Variants in CDK5RAP2 observed in about 807,000 individuals in gnomAD.
CDK5RAP2 encodes CDK5 regulatory subunit-associated protein 2.
Under a neutral mutation model 232.9 loss-of-function variants are expected in CDK5RAP2, and 147 were observed. The observed-to-expected ratio is 0.63, with a 90% CI of 0.55 to 0.72. The LOEUF (loss-of-function observed/expected upper bound fraction) is 0.72, where lower values mean the gene tolerates loss of function less well. CDK5RAP2 is among the 30% of genes least tolerant of loss of function. CDK5RAP2 has a pLI of 0.00. For missense variants in CDK5RAP2, 2,195 were observed against 2,231.5 expected (o/e 0.98, Z 0.33); for synonymous variants, 833 against 833.7 (o/e 1.00, Z 0.01).
intron 12 of CDK5RAP2, among the ~76,000 whole-genome samples, chr9:120,493,104 G>A (rs1439462791): frequency 1.3e-5 from 2 of 152,204 alleles, no homozygotes; most frequent in Non-Finnish European, 2.9e-5. Flanking sequence ...CACTGGTTCT[G>A]AGGATGGAAA....
At position 120,572,004 on chromosome 9, in the gene CDK5RAP2, T is replaced by C. The variant is rs757470167; in HGVS notation, c.97A>G (p.Ile33Val). ...TTTCCCAACCCAGCATTGGGGTTGA[T>C]GCCATCCAGGTCATCTGGTACACTG... The part of the protein sequence containing the change: ...VPSVPDDLDG[I>V]NPNAGLGNGL... Residue 33 changes from isoleucine to valine, a missense_variant, in exon 2 of 38, where the codon ATC (isoleucine) becomes GTC (valine). Transcript: ENST00000349780. The C allele has an allele frequency of 1.9e-6, 3 of 1,614,024 alleles. No homozygotes were observed. The highest frequency in any genetic ancestry group is 2.2e-5 in the South Asian group (2 of 91,076).
chr9:120,512,159 G>A (rs774702684), intron 12 of CDK5RAP2, among the ~76,000 whole-genome samples: 4 of 152,162 alleles, frequency 2.6e-5, no homozygotes, highest in Non-Finnish European at 4.4e-5. Flanking sequence ...GACCAGTCTG[G>A]GCAACATAGC....
At chr9:120,559,436 G>A (rs1185154003) in intron 3 of CDK5RAP2, among the ~76,000 whole-genome samples, 11 of 145,830 alleles carry the variant, frequency 7.5e-5, no homozygotes, top group South Asian at 2.2e-4. Flanking sequence ...GCAGTGAGCC[G>A]AGATCAGGCC....
intron 29 of CDK5RAP2, among the ~76,000 whole-genome samples, chr9:120,409,610 G>T (rs2033719087): frequency 6.6e-6 from 1 of 152,370 alleles, no homozygotes; most frequent in East Asian, 1.9e-4. Context: ...AAGTACAGAG[G>T]AAAACACAGG....
intron 31 of CDK5RAP2, 138 bp downstream of exon 31, chr9:120,408,209 A>G: frequency 2.1e-6 from 2 of 953,454 alleles, no homozygotes; most frequent in South Asian, 1.3e-5. Context: ...TCAAAGAGCT[A>G]GCTTCAACAC....
Position 120,453,600 on chromosome 9 carries a change from C to T in CDK5RAP2, c.2649G>A (p.Leu883=). ...CTCTTGTTGCTTCATGCTTGAATCTCAGCAGGTCGCCCTCCGTGGCCACAG... is the reference window on the plus strand; with the variant it reads ...CTCTTGTTGCTTCATGCTTGAATCTTAGCAGGTCGCCCTCCGTGGCCACAG... The part of the protein sequence containing the change: ...VQTVATEGDL[L]RFKHEATREA... The change falls in exon 21 of 38, where the codon CTG becomes CTA. Residue 883 remains leucine, a synonymous_variant. Transcript: ENST00000349780. 3 of 1,614,210 alleles carry T rather than the reference C, an allele frequency of 1.9e-6. No homozygotes were observed. The highest frequency in any genetic ancestry group is 2.5e-6 in the Non-Finnish European group (3 of 1,180,048).
chr9:120,505,675 G>A (rs1484503495), intron 12 of CDK5RAP2, among the ~76,000 whole-genome samples: 2 of 152,196 alleles, frequency 1.3e-5, no homozygotes, highest in African/African-American at 4.8e-5. Context: ...ACACATGAAT[G>A]GTAAGAAAGC....
rs766279275 is a variant in CDK5RAP2 at position 120,491,483 on chromosome 9, A to G, written c.1312-6T>C. 1.6e-5 allele frequency: 26 copies of G among 1,604,186 alleles called. No homozygotes were observed. The highest frequency in any genetic ancestry group is 2.0e-5 in the Non-Finnish European group (24 of 1,174,122). Reference sequence around the variant, plus strand: ...TCAACTTCATTTCTAAGATCCTACCAGAAGAAAATGAAAAAATGGAATTTA... The same window carrying G: ...TCAACTTCATTTCTAAGATCCTACCGGAAGAAAATGAAAAAATGGAATTTA... On this transcript the variant is annotated splice_region_variant and splice_polypyrimidine_tract_variant and intron_variant, in intron 12 of 37. Transcript: ENST00000349780.
At chr9:120,408,556 C>T in intron 30 of CDK5RAP2, 88 bp from the exon 31 acceptor site, 1 of 1,423,468 alleles carries the variant, frequency 7.0e-7, no homozygotes, top group East Asian at 2.3e-5. Context: ...CCAATTCCAC[C>T]CTCAGTCACA....
In CDK5RAP2 at chr9:120,560,501, A is replaced by G. The variant is rs960104831; in HGVS notation, c.195+7820T>C. Among the ~76,000 whole-genome samples, 9 of 152,200 alleles carry G rather than the reference A, an allele frequency of 5.9e-5. 1 individual carries two copies. The highest frequency in any genetic ancestry group is 2.2e-4 in the African/African-American group (9 of 41,444). ...GTTGCTGACCCTGTGATTATGCTCC[A>G]CTTGCCAGCCCATTCACAGTCTCAA... On this transcript the variant is annotated intron_variant, in intron 3 of 37. Coordinates refer to ENST00000349780, the MANE Select transcript of CDK5RAP2 (RefSeq NM_018249.6).
In CDK5RAP2 at chr9:120,407,095, G is replaced by GC. The variant is rs1564177048; in HGVS notation, c.4879dup (p.Ala1627GlyfsTer20). The GC allele has an allele frequency of 5.6e-6, 9 of 1,614,024 alleles. No homozygotes were observed. The highest frequency in any genetic ancestry group is 2.2e-5 in the East Asian group (1 of 44,870). On this transcript the variant is annotated frameshift_variant, in exon 32 of 38. Coordinates refer to ENST00000349780, the MANE Select transcript of CDK5RAP2 (RefSeq NM_018249.6). LOFTEE classifies it high-confidence loss of function. ...GAGGGCTCCTTCCTGTGCCTTCTCTGCCCCCCTTGCCAGCTGTTCCTTGAG... is the reference window on the plus strand; with the variant it reads ...GAGGGCTCCTTCCTGTGCCTTCTCTGCCCCCCCTTGCCAGCTGTTCCTTGAG...
At chr9:120,506,019 C>T (rs1052256865) in intron 12 of CDK5RAP2, among the ~76,000 whole-genome samples, 23 of 152,162 alleles carry the variant, frequency 1.5e-4, no homozygotes, top group Admixed American at 1.2e-3. Flanking sequence ...GCAGATGAAA[C>T]AGCCTTACAT....
intron 35 of CDK5RAP2, 78 bp from the exon 36 acceptor site, chr9:120,394,716 A>G (rs1367985390): frequency 7.6e-6 from 9 of 1,186,308 alleles, no homozygotes; most frequent in South Asian, 1.2e-5. Context: ...AAAGCCATAT[A>G]AAAAGATGAT....
intron 11 of CDK5RAP2, among the ~76,000 whole-genome samples, chr9:120,524,199 TG>T (rs2040798890): frequency 6.6e-6 from 1 of 152,222 alleles, no homozygotes; most frequent in African/African-American, 2.4e-5. Context: ...AGATAATCTA[TG>T]GGGAGCACTT....
At chr9:120,487,053 G>A (rs1157580012) in intron 14 of CDK5RAP2, among the ~76,000 whole-genome samples, 1 of 152,168 alleles carries the variant, frequency 6.6e-6, no homozygotes, top group Non-Finnish European at 1.5e-5. Flanking sequence ...TAGAGCAAAT[G>A]AGGCTTCTGG....
intron 22 of CDK5RAP2, among the ~76,000 whole-genome samples, chr9:120,446,284 C>T (rs1183827645): frequency 1.3e-5 from 2 of 151,510 alleles, no homozygotes; most frequent in South Asian, 2.1e-4. Flanking sequence ...GATGGAGTTT[C>T]GCTCTTGTGT....
intron 15 of CDK5RAP2, among the ~76,000 whole-genome samples, chr9:120,476,514 C>T (rs2038019190): frequency 6.6e-6 from 1 of 151,888 alleles, no homozygotes; most frequent in Admixed American, 6.6e-5. Context: ...ACCATCTCTA[C>T]TAAAAATGCA....
intron 25 of CDK5RAP2, among the ~76,000 whole-genome samples, chr9:120,424,834 G>A (rs915773768): frequency 1.3e-5 from 2 of 151,662 alleles, no homozygotes; most frequent in Non-Finnish European, 2.9e-5. Context: ...TGAGGAGCTG[G>A]GACTACAAGC....
At chr9:120,534,232 T>G (rs2041287452) in intron 7 of CDK5RAP2, among the ~76,000 whole-genome samples, 1 of 152,082 alleles carries the variant, frequency 6.6e-6, no homozygotes, top group African/African-American at 2.4e-5. Flanking sequence ...AACACAGCAC[T>G]CAGGCCAGGC....
Sources: allele counts gnomAD v4.1 joint callset (sites outside exome capture counted in the v4.1 genomes callset), GRCh38; gene constraint gnomAD v4.1.1; transcripts MANE v1.5; gene names NCBI Gene and HGNC (gene_info 2026-07-23, HGNC 2026-07-21).